CEP85L: variants seen among roughly 807,000 people sequenced by gnomAD.
The protein encoded by CEP85L is centrosomal protein 85L.
A neutral mutation model predicts 100.3 loss-of-function variants in CEP85L; 60 were observed. That is an observed-to-expected ratio of 0.60 (90% CI 0.49 to 0.74). The LOEUF (loss-of-function observed/expected upper bound fraction) is 0.74, where lower values mean the gene tolerates loss of function less well. CEP85L is among the 30% of genes least tolerant of loss of function. CEP85L has a pLI of 0.00. For synonymous variants in CEP85L, 319 were observed against 322.7 expected (o/e 0.99, Z 0.12); for missense variants, 973 against 936.2 (o/e 1.04, Z -0.51).
rs1775549998 is a variant in CEP85L, at chr6:118,651,379, A to G, written c.-110T>C. ...GAGCGTGGGCCTCGGCGACACGGGC[A>G]GGAGGAAAGGCGGGATGGCTGGTTA... On this transcript the variant is annotated 5_prime_UTR_variant, in exon 1 of 13. Transcript: ENST00000368491. The G allele has an allele frequency of 7.3e-7, 1 of 1,362,274 alleles. No homozygotes were observed. Among genetic ancestry groups the G allele is most frequent in the Admixed American group, 3.7e-5 (1 of 27,390 alleles). The allele number at this position is 1,362,274 out of a possible 1,614,324, so 84.4% of individuals were successfully genotyped here.
At chr6:118,564,680 T>TTAG (rs1481628036) in intron 3 of CEP85L, among the ~76,000 whole-genome samples, 1 of 152,218 alleles carries the variant, frequency 6.6e-6, no homozygotes, top group Non-Finnish European at 1.5e-5. Context: ...TTTGTTTTTA[T>TTAG]TAGTAGTAGT....
intron 1 of CEP85L, among the ~76,000 whole-genome samples, chr6:118,689,327 A>G (rs1221388941): frequency 6.6e-6 from 1 of 152,216 alleles, no homozygotes; most frequent in Non-Finnish European, 1.5e-5. Context: ...TTCACATACA[A>G]TAATTTTTAT....
chr6:118,701,873 A>G (rs980174343), intron 1 of CEP85L, among the ~76,000 whole-genome samples: 18 of 152,336 alleles, frequency 1.2e-4, no homozygotes, highest in Non-Finnish European at 2.5e-4. Flanking sequence ...ATTTACTCCT[A>G]TACATAAGGA....
At chr6:118,553,215 T>TAA (rs59502810) in intron 3 of CEP85L, among the ~76,000 whole-genome samples, 3 of 138,940 alleles carry the variant, frequency 2.2e-5, no homozygotes, top group Non-Finnish European at 3.1e-5. Flanking sequence ...GTTAAGAAAT[T>TAA]AAAAAAAAAA....
intron 1 of CEP85L, among the ~76,000 whole-genome samples, chr6:118,706,052 CGTCT>C (rs1777584789): frequency 6.6e-6 from 1 of 152,130 alleles, no homozygotes; most frequent in South Asian, 2.1e-4. Flanking sequence ...GTATCACGGC[CGTCT>C]ATGTAGGTGT....
chr6:118,557,465 T>C (rs1338744837), intron 3 of CEP85L, among the ~76,000 whole-genome samples: 2 of 152,224 alleles, frequency 1.3e-5, no homozygotes, highest in East Asian at 3.9e-4. Flanking sequence ...AACATTTAAG[T>C]ATGTGTGGGG....
chr6:118,588,904 A>G (rs937721694), intron 2 of CEP85L, among the ~76,000 whole-genome samples: 25 of 152,220 alleles, frequency 1.6e-4, no homozygotes, highest in Non-Finnish European at 3.5e-4. Context: ...GTAGCCGGAA[A>G]GAGTCATCAC....
intron 2 of CEP85L, among the ~76,000 whole-genome samples, chr6:118,587,059 A>G (rs535935963): frequency 6.6e-6 from 1 of 152,310 alleles, no homozygotes; most frequent in South Asian, 2.1e-4. Flanking sequence ...AGCTCCTACA[A>G]TATCTGCCAT....
rs558551923 is a variant in CEP85L at position 118,566,248 on chromosome 6, G to A, written c.301C>T (p.His101Tyr). 2 of 1,614,006 alleles carry A rather than the reference G, an allele frequency of 1.2e-6. No individual in the cohort carries two copies. Among genetic ancestry groups the A allele is most frequent in the South Asian group, 1.1e-5 (1 of 91,082 alleles). ...SQSLITLPTA[H>Y]VMPSNSSASI... ...GCGCTGGAATTAGACGGCATCACAT[G>A]GGCAGTAGGAAGAGTAATCAATGAT... The change falls in exon 3 of 13, where the codon CAT becomes TAT. Residue 101 changes from histidine to tyrosine, a missense_variant. Around this residue, in one of 3 missense-constraint regions of CEP85L, gnomAD observed 890 missense variants for 844.5 expected, o/e 1.05. Transcript: ENST00000368491.
At chr6:118,552,275 A>G (rs568282020) in intron 3 of CEP85L, among the ~76,000 whole-genome samples, 1 of 152,230 alleles carries the variant, frequency 6.6e-6, no homozygotes, top group African/African-American at 2.4e-5. Flanking sequence ...TTATTTCAGC[A>G]AAAGGAATAC....
intron 10 of CEP85L, among the ~76,000 whole-genome samples, chr6:118,475,357 T>C (rs1480676676): frequency 1.9e-4 from 28 of 146,744 alleles, no homozygotes; most frequent in African/African-American, 6.8e-4. Flanking sequence ...ATTTTTTTTT[T>C]TTTTTTTTTT....
In CEP85L at chr6:118,632,376, A is replaced by T. The variant is rs937075330; in HGVS notation, c.232+77T>A. On this transcript the variant is annotated intron_variant, in intron 2 of 12. Coordinates refer to ENST00000368491, the MANE Select transcript of CEP85L (RefSeq NM_001042475.3). ...TATAATTTTCAGTATGAAACAATAAAACATATCCCCTGAAAATTCTTGTAC... is the reference window on the plus strand; with the variant it reads ...TATAATTTTCAGTATGAAACAATAATACATATCCCCTGAAAATTCTTGTAC... 6 of 1,107,418 alleles carry T rather than the reference A, an allele frequency of 5.4e-6. No homozygotes were observed. The Admixed American group carries it at 7.2e-5, about 13-fold the overall frequency. The allele number at this position is 1,107,418 out of a possible 1,614,324, so 68.6% of individuals were successfully genotyped here. A position where few individuals can be genotyped will look rare whatever the true frequency, so the allele number is the denominator to read the frequency against.
rs1772863300 is a variant in CEP85L at position 118,470,431 on chromosome 6, T to C, written c.2022+106A>G. 4 of 528,656 alleles carry C rather than the reference T, an allele frequency of 7.6e-6. No homozygotes were observed. In the South Asian group the frequency reaches 1.5e-4, roughly 20 times the overall value. 32.7% of individuals were successfully genotyped at this position (528,656 alleles called of 1,614,324 possible). ...AAACAATGGAATTAATTAACAGGCA[T>C]ATCAAAATCATGTCTTTAATCTGAA... is the stretch of plus-strand genomic sequence containing the variant. On this transcript the variant is annotated intron_variant, in intron 11 of 12. Transcript: ENST00000368491.
rs564533295 is a variant in CEP85L, at chr6:118,466,724, T to C, written c.2255-1156A>G. On this transcript the variant is annotated intron_variant, in intron 12 of 12. Coordinates refer to ENST00000368491, the MANE Select transcript of CEP85L (RefSeq NM_001042475.3). ...TATAGAGGTAGGTAGTAGCTACCTA[T>C]CTTGACCACAGAGCAGTGTAGGCAT... Among the ~76,000 whole-genome samples, 3 of 152,196 alleles carry C rather than the reference T, an allele frequency of 2.0e-5. No individual in the cohort carries two copies. The South Asian group carries it at 6.2e-4, about 32-fold the overall frequency.
At chr6:118,516,737 G>C (rs930801966) in intron 4 of CEP85L, among the ~76,000 whole-genome samples, 2 of 152,170 alleles carry the variant, frequency 1.3e-5, no homozygotes, top group Admixed American at 1.3e-4. Context: ...CTGTGCAGAA[G>C]CTCTTTAGTT....
intron 3 of CEP85L, among the ~76,000 whole-genome samples, chr6:118,543,067 T>C (rs1209191643): frequency 2.0e-5 from 3 of 152,130 alleles, no homozygotes; most frequent in Non-Finnish European, 4.4e-5. Context: ...TCTTTCTGCC[T>C]AGAAAGCCCA....
chr6:118,674,983 T>C (rs535525529), intron 1 of CEP85L, among the ~76,000 whole-genome samples: 1 of 152,210 alleles, frequency 6.6e-6, no homozygotes, highest in Non-Finnish European at 1.5e-5. Flanking sequence ...AGAAATAACA[T>C]GTTTACACAA....
At chr6:118,708,794 C>G (rs1046282210) in intron 1 of CEP85L, among the ~76,000 whole-genome samples, 1 of 152,126 alleles carries the variant, frequency 6.6e-6, no homozygotes, top group South Asian at 2.1e-4. Flanking sequence ...CTTTTCCCTA[C>G]CATTTTTCAG....
chr6:118,573,598 TAACTCAC>T (rs1384115146), intron 2 of CEP85L, among the ~76,000 whole-genome samples: 8 of 152,180 alleles, frequency 5.3e-5, no homozygotes, highest in Non-Finnish European at 8.8e-5. Context: ...CCATGACATA[TAACTCAC>T]AACAGGGGTG....
Sources: gnomAD v4.1 joint callset for allele counts (sites outside exome capture counted in the v4.1 genomes callset) on GRCh38, gnomAD v4.1.1 for gene constraint, gnomAD v4.1.1 regional missense constraint, MANE v1.5 for transcripts, NCBI Gene and HGNC (gene_info 2026-07-23, HGNC 2026-07-21) for gene names.